The following MYSM1 variants were observed in gnomAD, a reference collection of about 807,000 sequenced individuals.
MYSM1 encodes the protein Myb like, SWIRM and MPN domains 1.
Under a neutral mutation model 116.0 loss-of-function variants are expected in MYSM1, and 51 were observed. The ratio of observed to expected loss-of-function variants is 0.44; its 90% confidence interval spans 0.35 to 0.56. The LOEUF is 0.56. Among genes scored for constraint, MYSM1 ranks in the 20% least tolerant of loss-of-function variants. The pLI, the probability that MYSM1 is intolerant of heterozygous loss-of-function variation, is 0.00. For missense variants in MYSM1, 900 were observed against 974.9 expected (o/e 0.92, Z 1.02); for synonymous variants, 313 against 315.2 (o/e 0.99, Z 0.07).
rs762869088 is a variant in MYSM1, at chr1:58,659,944, T to G, written c.*53A>C. On this transcript the variant is annotated 3_prime_UTR_variant, in exon 20 of 20. Coordinates refer to ENST00000472487, the MANE Select transcript of MYSM1 (RefSeq NM_001085487.3). ...ACTACAATCACTTCAAGTTTATAACTTTGAAAGTAAGATCTACTGTGTCAA... is the reference window on the plus strand; with the variant it reads ...ACTACAATCACTTCAAGTTTATAACGTTGAAAGTAAGATCTACTGTGTCAA... 7 of 1,189,508 alleles carry G rather than the reference T, an allele frequency of 5.9e-6. No individual in the cohort carries two copies. The highest frequency in any genetic ancestry group is 6.8e-6 in the Non-Finnish European group (6 of 886,834). 73.7% of individuals were successfully genotyped at this position (1,189,508 alleles called of 1,614,324 possible).
In MYSM1 at chr1:58,657,608, T is replaced by TA. The variant is rs1347499799; in HGVS notation, c.*2388dup. 6.6e-6 allele frequency: 1 copy of TA among 152,164 alleles called. No individual in the cohort carries two copies. Among genetic ancestry groups the TA allele is most frequent in the Non-Finnish European group, 1.5e-5 (1 of 68,034 alleles). 9.4% of individuals were successfully genotyped at this position (152,164 alleles called of 1,614,324 possible). On this transcript the variant is annotated 3_prime_UTR_variant, in exon 20 of 20. Coordinates refer to ENST00000472487, the MANE Select transcript of MYSM1 (RefSeq NM_001085487.3). ...AAAGAAGTAACCAAGTTTAACATACTAAAATTATACTGTCAAAAAAATGGG... is the reference window on the plus strand; with the variant it reads ...AAAGAAGTAACCAAGTTTAACATACTAAAAATTATACTGTCAAAAAAATGGG...
At chr1:58,689,829 A>G (rs181714768) in intron 5 of MYSM1, among the ~76,000 whole-genome samples, 1 of 152,336 alleles carries the variant, frequency 6.6e-6, no homozygotes, top group East Asian at 1.9e-4. Flanking sequence ...TATTTTTAAA[A>G]TAGTTAATTT....
At chr1:58,682,587 T>TA (rs1479877017) in intron 7 of MYSM1, 42 bp from the exon 8 acceptor site, 1 of 1,485,570 alleles carries the variant, frequency 6.7e-7, no homozygotes, top group East Asian at 2.4e-5. Context: ...TATTAAGATT[T>TA]AAAAATTTAA....
At chr1:58,678,378 A>T (rs956811433) in intron 8 of MYSM1, among the ~76,000 whole-genome samples, 1 of 152,192 alleles carries the variant, frequency 6.6e-6, no homozygotes, top group African/African-American at 2.4e-5. Flanking sequence ...AAAAAACTAG[A>T]CTGAGCTAAC....
rs919859149 is a variant in MYSM1 at position 58,659,819 on chromosome 1, T to C, written c.*178A>G. 8 of 497,676 alleles carry C rather than the reference T, an allele frequency of 1.6e-5. No homozygotes were observed. Among genetic ancestry groups the C allele is most frequent in the Non-Finnish European group, 2.5e-5 (7 of 284,228 alleles). The allele number at this position is 497,676 out of a possible 1,614,324, so 30.8% of individuals were successfully genotyped here. ...TTGCAGAACACTCTGATAATCACTA[T>C]ATGAAAACAAATTTGTATCTCTTCC... On this transcript the variant is annotated 3_prime_UTR_variant, in exon 20 of 20. Coordinates refer to ENST00000472487, the MANE Select transcript of MYSM1 (RefSeq NM_001085487.3).
intron 10 of MYSM1, among the ~76,000 whole-genome samples, chr1:58,674,228 T>C (rs971661470): frequency 2.0e-5 from 3 of 152,168 alleles, no homozygotes; most frequent in Non-Finnish European, 2.9e-5. Flanking sequence ...CCACTTGTGG[T>C]AGAAAATCTG....
chr1:58,667,699 G>A (rs1345818218), intron 15 of MYSM1, 148 bp downstream of exon 15: 11 of 586,812 alleles, frequency 1.9e-5, no homozygotes, highest in Non-Finnish European at 3.3e-5. Context: ...GTCACTTCTG[G>A]GAATATATAA....
Position 58,661,406 on chromosome 1 carries a change from C to G in MYSM1, c.2270G>C (p.Ser757Thr). The change falls in exon 18 of 20, where the codon AGC (serine) becomes ACC (threonine). Residue 757 changes from serine (S) to threonine (T), a missense_variant and splice_region_variant. Ser to Thr is a moderately conservative substitution (Grantham distance 58). Around this residue, in one of 3 missense-constraint regions of MYSM1, gnomAD observed 186 missense variants for 196.2 expected, o/e 0.95. Transcript: ENST00000472487. ...WIIEKYRLSH[S>T]SVPMDKIFRR... The stretch of plus-strand genomic sequence containing the variant: ...AACCATCTCAAACCACAGTACATAC[C>G]TATGGGAGAGCCTGTATTTTTCTAT... 6.5e-7 allele frequency: 1 copy of G among 1,542,698 alleles called. No homozygotes were observed. Among genetic ancestry groups the G allele is most frequent in the Admixed American group, 1.7e-5 (1 of 59,600 alleles).
chr1:58,699,878 C>T, intron 1 of MYSM1, 107 bp downstream of exon 1: 1 of 1,538,708 alleles, frequency 6.5e-7, no homozygotes, highest in Non-Finnish European at 8.7e-7. Context: ...GCCCAGGGGA[C>T]AGTCTTCTGT....
At chr1:58,696,521 CCATT>C (rs1289865614) in intron 1 of MYSM1, among the ~76,000 whole-genome samples, 1 of 152,220 alleles carries the variant, frequency 6.6e-6, no homozygotes, top group Non-Finnish European at 1.5e-5. Flanking sequence ...TTCACAACCC[CCATT>C]TAATCTGCCC....
intron 12 of MYSM1, among the ~76,000 whole-genome samples, chr1:58,670,402 T>C (rs1406892558): frequency 6.6e-6 from 1 of 152,052 alleles, no homozygotes; most frequent in Non-Finnish European, 1.5e-5. Context: ...TGTTTCACAA[T>C]ACAAAAAAGC....
At chr1:58,668,879 T>C (rs761791474) in intron 13 of MYSM1, 105 bp downstream of exon 13, 11 of 1,003,584 alleles carry the variant, frequency 1.1e-5, no homozygotes, top group South Asian at 3.0e-5. Flanking sequence ...TCATTTTCAG[T>C]CTTTTTATAC....
intron 17 of MYSM1, among the ~76,000 whole-genome samples, chr1:58,663,072 T>C (rs1488933016): frequency 6.6e-6 from 1 of 152,124 alleles, no homozygotes; most frequent in Non-Finnish European, 1.5e-5. Flanking sequence ...TTTACAGATG[T>C]AGCAAAGGAG....
In MYSM1 at chr1:58,690,431, A is replaced by C; in HGVS notation, c.219-14T>G. ...GATAAATAATATCTGTGTAACTATC[A>C]AGGAAACTTTTTAAACAATATTACA... On this transcript the variant is annotated splice_polypyrimidine_tract_variant and intron_variant, in intron 3 of 19. Coordinates refer to ENST00000472487, the MANE Select transcript of MYSM1 (RefSeq NM_001085487.3). 6.4e-7 allele frequency: 1 copy of C among 1,550,908 alleles called. No homozygotes were observed. Among genetic ancestry groups the C allele is most frequent in the East Asian group, 2.3e-5 (1 of 44,244 alleles).
intron 19 of MYSM1, 112 bp from the exon 20 acceptor site, chr1:58,660,267 A>G: frequency 1.7e-6 from 1 of 580,028 alleles, no homozygotes; most frequent in Non-Finnish European, 2.8e-6. Flanking sequence ...CTCAAATGAG[A>G]AACACTCTCC....
At chr1:58,675,393 A>G in intron 10 of MYSM1, 84 bp downstream of exon 10, 1 of 926,350 alleles carries the variant, frequency 1.1e-6, no homozygotes. Context: ...GTCATTTATT[A>G]AACAGCTCAA....
At chr1:58,677,229 A>G (rs1644668122) in intron 8 of MYSM1, among the ~76,000 whole-genome samples, 173 bp from the exon 9 acceptor site, 1 of 152,170 alleles carries the variant, frequency 6.6e-6, no homozygotes, top group Admixed American at 6.5e-5. Context: ...TTTCTGAAAT[A>G]AAATATCCTT....
chr1:58,674,091 G>C (rs1010532362), intron 10 of MYSM1, among the ~76,000 whole-genome samples: 1 of 152,104 alleles, frequency 6.6e-6, no homozygotes, highest in South Asian at 2.1e-4. Flanking sequence ...GTGCAGTGGC[G>C]TGATCTTTGC....
At chr1:58,669,169 T>G in intron 12 of MYSM1, 131 bp from the exon 13 acceptor site, 1 of 633,004 alleles carries the variant, frequency 1.6e-6, no homozygotes, top group South Asian at 2.2e-5. Flanking sequence ...TTGTAGGAAA[T>G]TCCATAAACC....
Sources: gnomAD v4.1 joint callset for allele counts (sites outside exome capture counted in the v4.1 genomes callset) on GRCh38, gnomAD v4.1.1 for gene constraint, gnomAD v4.1.1 regional missense constraint, MANE v1.5 for transcripts, NCBI Gene and HGNC (gene_info 2026-07-23, HGNC 2026-07-21) for gene names.